Variants in FAT2 observed in about 807,000 individuals in gnomAD.
FAT2 encodes FAT atypical cadherin 2.
A neutral mutation model predicts 295.3 loss-of-function variants in FAT2; 150 were observed. The observed-to-expected ratio is 0.51, with a 90% CI of 0.44 to 0.58. The LOEUF is 0.58. Ranked by LOEUF, FAT2 falls within the 20% of genes least tolerant of loss-of-function variation. The pLI is 0.00. For missense variants in FAT2, 4,868 were observed against 5,442.7 expected (o/e 0.89, Z 3.32); for synonymous variants, 2,026 against 2,150.3 (o/e 0.94, Z 1.60).
At chr5:151,520,232 C>T (rs1461099674) in intron 19 of FAT2, among the ~76,000 whole-genome samples, 1 of 152,256 alleles carries the variant, frequency 6.6e-6, no homozygotes, top group Non-Finnish European at 1.5e-5. Context: ...AGCTGAAGGT[C>T]ATGTCACTTT....
In FAT2 at chr5:151,510,066, G is replaced by C. The variant is rs757936305; in HGVS notation, c.12014C>G (p.Pro4005Arg). ...AGGGCAGTTACAGGAAGCTCCTTTG[G>C]GGGAGAGGATGCAAGTTCCACCTTC... ...CLEGGTCILSPKGASCNCPHP... is the reference protein window; with the variant it reads ...CLEGGTCILSRKGASCNCPHP... Residue 4005 changes from proline (P) to arginine (R), a missense_variant, in exon 22 of 24, where the codon CCC becomes CGC. By Grantham distance (103) the Pro-to-Arg change is moderately radical (BLOSUM62 -2). This residue lies in a region of FAT2 where 492 missense variants were observed against 482.6 expected (regional missense o/e 1.02). Coordinates refer to ENST00000261800, the MANE Select transcript of FAT2 (RefSeq NM_001447.3). The C allele has an allele frequency of 1.9e-6, 3 of 1,614,152 alleles. No individual in the cohort carries two copies. The highest frequency in any genetic ancestry group is 2.2e-5 in the East Asian group (1 of 44,880).
intron 1 of FAT2, among the ~76,000 whole-genome samples, chr5:151,573,325 C>T (rs1164781114): frequency 4.6e-5 from 7 of 152,190 alleles, no homozygotes; most frequent in Non-Finnish European, 4.4e-5. Flanking sequence ...CTGTTTAGTA[C>T]CTGGCTTATA....
At chr5:151,511,964 T>G in intron 21 of FAT2, 2 of 589,542 alleles carry the variant, frequency 3.4e-6, no homozygotes, top group East Asian at 2.8e-5. Context: ...AGTAGAAAGA[T>G]AGTTTTTGTT....
intron 1 of FAT2, among the ~76,000 whole-genome samples, chr5:151,579,834 C>A (rs961822977): frequency 6.6e-6 from 1 of 151,960 alleles, no homozygotes; most frequent in Admixed American, 6.6e-5. Context: ...TCAGCACATG[C>A]ATGGCACCTA....
rs558481529 is a variant in FAT2, at chr5:151,571,376, G to A, written c.-20-2425C>T. 3.3e-5 allele frequency among the ~76,000 whole-genome samples: 5 copies of A among 152,098 alleles called. No individual in the cohort carries two copies. In the East Asian group the frequency reaches 5.8e-4, roughly 18 times the overall value. ...CTCCACAGCTCTGTGAGCCCAGGGT[G>A]CACGCAGCCTCCCAGCCCTGCCTGC... On this transcript the variant is annotated intron_variant, in intron 1 of 23. Coordinates refer to ENST00000261800, the MANE Select transcript of FAT2 (RefSeq NM_001447.3).
At chr5:151,507,752 A>C (rs1761012365) in intron 22 of FAT2, 141 bp from the exon 23 acceptor site, 1 of 700,124 alleles carries the variant, frequency 1.4e-6, no homozygotes, top group African/African-American at 1.8e-5. Context: ...AGTAACTATC[A>C]AGCATATCAA....
At position 151,566,269 on chromosome 5, in the gene FAT2, C is replaced by T. The variant is rs139981656; in HGVS notation, c.2663G>A (p.Arg888Gln). Residue 888 changes from arginine (R) to glutamine (Q), a missense_variant, in exon 2 of 24, where the codon CGG (arginine) becomes CAG (glutamine). By Grantham distance (43) the Arg-to-Gln change is conservative. Transcript: ENST00000261800. ...TGHLDRESEP[R>Q]YILKVEARDQ... is the part of the protein sequence containing the mutation. ...CCTGGCCTCCACCTTGAGTATGTAC[C>T]GAGGCTCTGATTCGCGGTCCAGGTG... 1.3e-4 allele frequency: 214 copies of T among 1,614,014 alleles called. 1 individual carries two copies. The African/African-American group carries it at 2.2e-3, about 16-fold the overall frequency.
In FAT2 at chr5:151,506,030, G is replaced by A; in HGVS notation, c.12585C>T (p.His4195=). 1.3e-6 allele frequency: 2 copies of A among 1,571,094 alleles called. No homozygotes were observed. Among genetic ancestry groups the A allele is most frequent in the South Asian group, 1.2e-5 (1 of 83,238 alleles). ...GCAGAGGGCCCTGAGTCACTTCGGA[G>A]TGGGGGTATTCCCAGCGTTCGTTCC... The part of the protein sequence containing the change: ...YSRNERWEYP[H]SEVTQGPLPP... Residue 4195 remains histidine, a synonymous_variant, in exon 24 of 24, where the codon CAC becomes CAT. Transcript: ENST00000261800.
intron 20 of FAT2, among the ~76,000 whole-genome samples, chr5:151,514,300 C>T (rs1226121777): frequency 2.0e-5 from 3 of 152,142 alleles, no homozygotes; most frequent in Admixed American, 6.6e-5. Context: ...TGTCTGGGAC[C>T]ACAAATCTGT....
Position 151,540,755 on chromosome 5 carries a change from G to T in FAT2, c.8851C>A (p.Pro2951Thr), listed in dbSNP as rs751409160. 5 of 1,613,552 alleles carry T rather than the reference G, an allele frequency of 3.1e-6. No homozygotes were observed. In the South Asian group the frequency reaches 4.4e-5, roughly 14 times the overall value. The change falls in exon 11 of 24, where the codon CCC (proline) becomes ACC (threonine). Residue 2951 changes from proline (P) to threonine (T), a missense_variant. Physicochemically the swap from Pro to Thr is conservative, Grantham distance 38. Coordinates refer to ENST00000261800, the MANE Select transcript of FAT2 (RefSeq NM_001447.3). ...QVTCYITEGD[P>T]LGQFGISQVG... ...TGGCTGATGCCAAACTGGCCCAGGG[G>T]GTCTCCCTCTAAACAGATGGGGCAG...
intron 16 of FAT2, 75 bp from the exon 17 acceptor site, chr5:151,527,452 T>A: frequency 2.1e-6 from 3 of 1,400,510 alleles, no homozygotes; most frequent in Admixed American, 2.5e-5. Context: ...TCATCACTAA[T>A]ATTTTCAAAA....
At chr5:151,593,217 G>A (rs535793393), upstream of FAT2, among the ~76,000 whole-genome samples, 12 of 152,336 alleles carry the variant, frequency 7.9e-5, no homozygotes, top group South Asian at 6.2e-4. Flanking sequence ...AGTTTGGTCC[G>A]ATTAGGCATT....
At position 151,505,684 on chromosome 5, in the gene FAT2, C is replaced by G. The variant is rs568312396; in HGVS notation, c.12931G>C (p.Val4311Leu). Reference protein sequence around the residue: ...RLSRAGPSYAVCEVEGAPLAG... With the variant: ...RLSRAGPSYALCEVEGAPLAG... ...AGAGGTGCCCCCTCCACCTCACAGA[C>G]AGCATAAGAGGGCCCAGCTCGGCTG... The change falls in exon 24 of 24, where the codon GTC (valine) becomes CTC (leucine). Residue 4311 changes from valine to leucine, a missense_variant. By Grantham distance (32) the Val-to-Leu change is conservative. Around this residue, in one of 5 missense-constraint regions of FAT2, gnomAD observed 492 missense variants for 482.6 expected, o/e 1.02. Transcript: ENST00000261800. 2 of 1,614,110 alleles carry G rather than the reference C, an allele frequency of 1.2e-6. No individual in the cohort carries two copies. The highest frequency in any genetic ancestry group is 1.7e-6 in the Non-Finnish European group (2 of 1,179,972).
At chr5:151,546,377 C>A in intron 9 of FAT2, 40 bp from the exon 10 acceptor site, 1 of 1,490,234 alleles carries the variant, frequency 6.7e-7, no homozygotes, top group South Asian at 1.2e-5. Context: ...GCCACACCCT[C>A]GACAGGTATC....
rs2127607398 is a variant in FAT2, at chr5:151,543,340, G to C, written c.7787C>G (p.Ser2596Cys). Residue 2596 changes from serine (S) to cysteine (C), a missense_variant, in exon 10 of 24, where the codon TCC (serine) becomes TGC (cysteine). Transcript: ENST00000261800. Reference sequence around the variant, plus strand: ...AACCGGAGAGTCTTTACTGACATTGGATTGAATGGATACTGTGTACTCAGA... The same window carrying C: ...AACCGGAGAGTCTTTACTGACATTGCATTGAATGGATACTGTGTACTCAGA... ...KASEYTVSIQ[S>C]NVSKDSPVIQ... 1 of 1,614,180 alleles carries C rather than the reference G, an allele frequency of 6.2e-7. No individual in the cohort carries two copies. Among genetic ancestry groups the C allele is most frequent in the Non-Finnish European group, 8.5e-7 (1 of 1,180,030 alleles).
At chr5:151,540,536 C>A (rs2127602037) in intron 11 of FAT2, 31 bp downstream of exon 11, 1 of 1,586,914 alleles carries the variant, frequency 6.3e-7, no homozygotes, top group Middle Eastern at 1.9e-4. Context: ...CTTGCCTTCA[C>A]TACCCACTCC....
chr5:151,554,764 C>A (rs1487021782), intron 4 of FAT2, 91 bp from the exon 5 acceptor site: 1 of 996,238 alleles, frequency 1.0e-6, no homozygotes, highest in Non-Finnish European at 1.5e-6. Context: ...TCACTTTGTT[C>A]TTTGGTATGA....
chr5:151,567,490 G>A lies in FAT2; in HGVS notation c.1442C>T (p.Thr481Ile), dbSNP rs746130137. Reference sequence around the variant, plus strand: ...TTCCCCATGATCCCGGTCAGTGGCAGTCACAGCCAAAACACTGGTGCCTGG... The same window carrying A: ...TTCCCCATGATCCCGGTCAGTGGCAATCACAGCCAAAACACTGGTGCCTGG... ...IPPGTSVLAV[T>I]ATDRDHGENG... The change falls in exon 2 of 24, where the codon ACT (threonine) becomes ATT (isoleucine). Residue 481 changes from threonine (T) to isoleucine (I), a missense_variant. Thr to Ile is a moderately conservative substitution (Grantham distance 89). This residue lies in a region of FAT2 where 3,297 missense variants were observed against 3,669.4 expected (regional missense o/e 0.90). Coordinates refer to ENST00000261800, the MANE Select transcript of FAT2 (RefSeq NM_001447.3). 1.2e-5 allele frequency: 20 copies of A among 1,614,034 alleles called. No homozygotes were observed. The highest frequency in any genetic ancestry group is 6.7e-5 in the Admixed American group (4 of 60,012).
intron 3 of FAT2, 109 bp from the exon 4 acceptor site, chr5:151,556,511 C>CT: frequency 1.4e-6 from 1 of 725,708 alleles, no homozygotes; most frequent in Non-Finnish European, 2.3e-6. Context: ...TTCTTCTGAT[C>CT]TTTGAAGAAC....
Sources: allele counts gnomAD v4.1 joint callset (sites outside exome capture counted in the v4.1 genomes callset), GRCh38; gene constraint gnomAD v4.1.1; regional missense constraint gnomAD v4.1.1; transcripts MANE v1.5; gene names NCBI Gene and HGNC (gene_info 2026-07-23, HGNC 2026-07-21).